Variants in ZMYM2 observed in about 807,000 individuals in gnomAD.
ZMYM2 encodes the protein zinc finger MYM-type containing 2, also known as zinc finger MYM-type protein 2.
ZMYM2 carries 56 observed loss-of-function variants against 162.8 expected under a neutral mutation model. The ratio of observed to expected loss-of-function variants is 0.34; its 90% CI spans 0.28 to 0.43. The LOEUF is 0.43. ZMYM2 is among the 20% of genes least tolerant of loss of function. ZMYM2 has a pLI of 1.00. For synonymous variants in ZMYM2, 510 were observed against 541.6 expected (o/e 0.94, Z 0.81); for missense variants, 1,275 against 1,621.8 (o/e 0.79, Z 3.67).
chr13:20,067,626 TC>T (rs1422319056), intron 21 of ZMYM2, among the ~76,000 whole-genome samples: 5 of 152,230 alleles, frequency 3.3e-5, no homozygotes, highest in Admixed American at 6.5e-5. Flanking sequence ...TGGCTATAGA[TC>T]CATGCTGATC....
At position 19,958,832 on chromosome 13, in the gene ZMYM2, CCAGAACCGGGTGAGG is replaced by C. The variant is rs1338604441; in HGVS notation, c.-87_-80+7del. 6.5e-6 allele frequency: 1 copy of C among 153,010 alleles called. No individual in the cohort carries two copies. Among genetic ancestry groups the C allele is most frequent in the Non-Finnish European group, 1.5e-5 (1 of 68,662 alleles). 9.5% of individuals were successfully genotyped at this position (153,010 alleles called of 1,614,324 possible). A position where few individuals can be genotyped will look rare whatever the true frequency, so the allele number is the denominator to read the frequency against. On this transcript the variant is annotated splice_donor_variant and splice_donor_5th_base_variant and 5_prime_UTR_variant and intron_variant, in exon 1 of 25. Transcript: ENST00000610343. LOFTEE classifies it low-confidence loss of function (5UTR_SPLICE). ...GGAGGTTCGTTCCGCGGAGCCCCAG[CCAGAACCGGGTGAGG>C]CTTATCCCCGCTGTCTTTCCAGTCC...
At chr13:19,925,741 C>T in the ZMYM2 span, among the ~76,000 whole-genome samples, 3 of 151,346 alleles carry the variant, frequency 2.0e-5, no homozygotes, top group Admixed American at 6.6e-5. Flanking sequence ...GCATGTAGCA[C>T]GCACCTGTAT....
rs1300783046 is a variant in ZMYM2 at position 19,993,607 on chromosome 13, G to C, written c.535G>C (p.Asp179His). The change falls in exon 3 of 25, where the codon GAC (aspartate) becomes CAC (histidine). Residue 179 changes from aspartate (D) to histidine (H), a missense_variant. Physicochemically the swap from Asp to His is moderately conservative, Grantham distance 81. Coordinates refer to ENST00000610343, the MANE Select transcript of ZMYM2 (RefSeq NM_197968.4). ...TAATAGTGGTATCACCACAGAACCA[G>C]ACTCTGAAATTCAGATTGCTAATGT... ...MGNSGITTEPDSEIQIANVTT... is the reference protein window; with the variant it reads ...MGNSGITTEPHSEIQIANVTT... The C allele has an allele frequency of 6.8e-6, 11 of 1,614,076 alleles. No individual in the cohort carries two copies. Among genetic ancestry groups the C allele is most frequent in the Non-Finnish European group, 8.5e-6 (10 of 1,180,030 alleles).
At chr13:19,988,608 C>T (rs1566229355) in intron 2 of ZMYM2, among the ~76,000 whole-genome samples, 1 of 152,018 alleles carries the variant, frequency 6.6e-6, no homozygotes, top group Non-Finnish European at 1.5e-5. Context: ...GTGGTGAAAC[C>T]CCGTCTCTAC....
chr13:19,995,849 G>A (rs1183295262), intron 3 of ZMYM2, among the ~76,000 whole-genome samples: 1 of 152,160 alleles, frequency 6.6e-6, no homozygotes, highest in Non-Finnish European at 1.5e-5. Context: ...AAGTTAGCTA[G>A]GCATAGTGGT....
intron 21 of ZMYM2, chr13:20,071,947 A>G: frequency 5.2e-6 from 1 of 190,590 alleles, no homozygotes; most frequent in African/African-American, 2.3e-5. Flanking sequence ...TATTTTGGGA[A>G]CAAAGTTATA....
the ZMYM2 span, among the ~76,000 whole-genome samples, chr13:19,898,316 T>TC: frequency 6.6e-6 from 1 of 151,532 alleles, no homozygotes; most frequent in Non-Finnish European, 1.5e-5. Flanking sequence ...CACTGCAAGC[T>TC]CTGCCTCCTG....
chr13:19,884,461 C>G, the ZMYM2 span, among the ~76,000 whole-genome samples: 74 of 152,144 alleles, frequency 4.9e-4, 1 homozygote, highest in African/African-American at 1.6e-3. Flanking sequence ...GGCCGTGGTC[C>G]CAGCTACTCG....
chr13:19,936,702 A>G, the ZMYM2 span, among the ~76,000 whole-genome samples: 1 of 151,108 alleles, frequency 6.6e-6, no homozygotes, highest in South Asian at 2.1e-4. Flanking sequence ...AGCCTGGGCA[A>G]AGAGTGAAAC....
the ZMYM2 span, among the ~76,000 whole-genome samples, chr13:19,917,099 A>G: frequency 6.6e-6 from 1 of 151,966 alleles, no homozygotes; most frequent in Non-Finnish European, 1.5e-5. Flanking sequence ...AGTAGCTGGG[A>G]CTACAGGCGC....
chr13:20,079,352 A>T (rs1345264183), intron 21 of ZMYM2, among the ~76,000 whole-genome samples: 1 of 140,720 alleles, frequency 7.1e-6, no homozygotes, highest in Non-Finnish European at 1.5e-5. Flanking sequence ...AAGGATACTT[A>T]ATGAATTCAA....
chr13:19,879,628 TC>T, the ZMYM2 span, among the ~76,000 whole-genome samples: 1 of 152,234 alleles, frequency 6.6e-6, no homozygotes, highest in Admixed American at 6.5e-5. Flanking sequence ...CTATTCAGCA[TC>T]CCTTGAGATT....
intron 2 of ZMYM2, chr13:19,965,226 A>G (rs1177765725): frequency 7.7e-7 from 1 of 1,293,758 alleles, no homozygotes; most frequent in South Asian, 1.3e-5. Context: ...ATAGCCATAC[A>G]TGTGTATATT....
At chr13:19,971,195 G>A (rs547642772) in intron 2 of ZMYM2, among the ~76,000 whole-genome samples, 11 of 141,820 alleles carry the variant, frequency 7.8e-5, no homozygotes, top group Non-Finnish European at 1.2e-4. Context: ...AGAAGTGAAT[G>A]TTGTAGTCTG....
intron 2 of ZMYM2, among the ~76,000 whole-genome samples, chr13:19,982,996 A>G (rs927226176): frequency 6.6e-6 from 1 of 152,334 alleles, no homozygotes. Flanking sequence ...ATGGCCGTTC[A>G]GTTGACTGAT....
At chr13:20,045,664 A>G (rs1159130803) in intron 12 of ZMYM2, among the ~76,000 whole-genome samples, 3 of 152,212 alleles carry the variant, frequency 2.0e-5, no homozygotes, top group Non-Finnish European at 4.4e-5. Flanking sequence ...TCTCAAAACA[A>G]TAAAGGCATT....
At chr13:19,959,496 A>C (rs1184792069) in intron 1 of ZMYM2, among the ~76,000 whole-genome samples, 1 of 151,020 alleles carries the variant, frequency 6.6e-6, no homozygotes, top group Admixed American at 6.6e-5. Flanking sequence ...CGCCGACTGC[A>C]GGGGGGGGCA....
intron 14 of ZMYM2, among the ~76,000 whole-genome samples, chr13:20,054,905 T>G (rs1955664738): frequency 6.6e-6 from 1 of 152,148 alleles, no homozygotes; most frequent in South Asian, 2.1e-4. Context: ...ATTGAGTGAC[T>G]TGCCTGACGT....
chr13:20,034,217 C>A, intron 10 of ZMYM2, 37 bp from the exon 11 acceptor site: 2 of 361,668 alleles, frequency 5.5e-6, no homozygotes, highest in South Asian at 9.2e-5. Flanking sequence ...TTAAGCTTGT[C>A]GTCATATACT....
Sources: gnomAD v4.1 joint callset for allele counts (sites outside exome capture counted in the v4.1 genomes callset) on GRCh38, gnomAD v4.1.1 for gene constraint, MANE v1.5 for transcripts, NCBI Gene and HGNC (gene_info 2026-07-23, HGNC 2026-07-21) for gene names.